The following RSPH14 variants were observed in gnomAD, a reference collection of about 807,000 sequenced individuals.
RSPH14 encodes rhabdoid tumor deletion region gene 1.
In RSPH14, 20 loss-of-function variants were observed where a neutral mutation model predicts 26.7. The observed-to-expected ratio is 0.75, with a 90% CI of 0.53 to 1.09. RSPH14 has a LOEUF of 1.09. Among genes scored for constraint, RSPH14 ranks in the 50% least tolerant of loss-of-function variants. RSPH14 has a pLI of 0.00. For missense variants in RSPH14, 449 were observed against 457.2 expected (o/e 0.98, Z 0.16); for synonymous variants, 177 against 189.3 (o/e 0.93, Z 0.53).
rs756308208 is a variant in RSPH14 at position 23,059,593 on chromosome 22, G to A, written c.916C>T (p.Arg306Cys). ...GGCACGTGCGTCTGCAGGGCCTTGC[G>A]GCCCTCGGGGGCCTCTGCCAGCATG... ...LTMLAEAPEGRKALQTHVPTF... is the reference protein window; with the variant it reads ...LTMLAEAPEGCKALQTHVPTF... Residue 306 changes from arginine to cysteine, a missense_variant, in exon 7 of 7, where the codon CGC (arginine) becomes TGC (cysteine). Transcript: ENST00000216036. 5.5e-5 allele frequency: 88 copies of A among 1,613,648 alleles called. No individual in the cohort carries two copies. Among genetic ancestry groups the A allele is most frequent in the South Asian group, 8.8e-5 (8 of 91,082 alleles).
chr22:23,167,097 C>G, the RSPH14 span, among the ~76,000 whole-genome samples: 1 of 152,116 alleles, frequency 6.6e-6, no homozygotes, highest in East Asian at 1.9e-4. Context: ...CTCTGAACTC[C>G]TGGTCCCTCC....
Position 23,141,942 on chromosome 22 carries a change from G to T in RSPH14, c.-53+7C>A, listed in dbSNP as rs1879333187. The T allele has an allele frequency of 5.1e-6, 5 of 984,894 alleles. No individual in the cohort carries two copies. The highest frequency in any genetic ancestry group is 6.0e-6 in the Non-Finnish European group (5 of 829,446). 61.0% of individuals were successfully genotyped at this position (984,894 alleles called of 1,614,324 possible). A position where few individuals can be genotyped will look rare whatever the true frequency, so the allele number is the denominator to read the frequency against. The stretch of plus-strand genomic sequence containing the variant: ...CCCGGGCCCCTAGCCCACCACCGCC[G>T]CCTCACCTGCCTCCGCAGCCCTTTC... On this transcript the variant is annotated splice_region_variant and intron_variant, in intron 1 of 6. Transcript: ENST00000216036.
chr22:23,077,170 C>G lies in RSPH14; in HGVS notation c.422-13037G>C, dbSNP rs116238584. 4.7e-3 allele frequency among the ~76,000 whole-genome samples: 711 copies of G among 152,272 alleles called. 4 individuals carry two copies. The highest frequency in any genetic ancestry group is 0.016 in the African/African-American group (646 of 41,530). On this transcript the variant is annotated intron_variant, in intron 4 of 6. Transcript: ENST00000216036. ...ACTGGTGAACCTCACCACTGTACCCCCTCCTATCTAGCAGCTTTAACCCAC... is the reference window on the plus strand; with the variant it reads ...ACTGGTGAACCTCACCACTGTACCCGCTCCTATCTAGCAGCTTTAACCCAC...
chr22:23,154,599 C>G, the RSPH14 span, among the ~76,000 whole-genome samples: 14 of 152,158 alleles, frequency 9.2e-5, no homozygotes, highest in East Asian at 1.9e-4. Flanking sequence ...TGGGCTCACC[C>G]GTGTGACCAC....
At chr22:23,101,264 C>T (rs2146332302) in intron 4 of RSPH14, among the ~76,000 whole-genome samples, 1 of 152,278 alleles carries the variant, frequency 6.6e-6, no homozygotes, top group African/African-American at 2.4e-5. Flanking sequence ...GACTCTGGCT[C>T]TCAGGGAGGG....
In RSPH14 at chr22:23,123,690, G is replaced by T. The variant is rs2070095729; in HGVS notation, c.421+10336C>A. 8.0e-6 allele frequency: 4 copies of T among 501,082 alleles called. No individual in the cohort carries two copies. The Admixed American group carries it at 1.0e-4, about 13-fold the overall frequency. 31.0% of individuals were successfully genotyped at this position (501,082 alleles called of 1,614,324 possible). On this transcript the variant is annotated intron_variant, in intron 4 of 6. Coordinates refer to ENST00000216036, the MANE Select transcript of RSPH14 (RefSeq NM_014433.3). ...ATCCTCTAAAATGTCGAGGTCTCTTGAAGACTTGAGAAGCTGTCACAAGGT... is the reference window on the plus strand; with the variant it reads ...ATCCTCTAAAATGTCGAGGTCTCTTTAAGACTTGAGAAGCTGTCACAAGGT...
At chr22:23,173,423 T>C in the RSPH14 span, among the ~76,000 whole-genome samples, 1 of 151,900 alleles carries the variant, frequency 6.6e-6, no homozygotes, top group African/African-American at 2.4e-5. Context: ...CATCAGCCAC[T>C]GTGCCTGGCC....
chr22:23,158,803 C>A, the RSPH14 span: 1 of 1,086,484 alleles, frequency 9.2e-7, no homozygotes, highest in Non-Finnish European at 1.4e-6. Context: ...CCCAGCCCAG[C>A]ACTTCAGCCC....
intron 4 of RSPH14, among the ~76,000 whole-genome samples, chr22:23,118,489 G>A (rs538326866): frequency 5.6e-5 from 7 of 125,916 alleles, no homozygotes; most frequent in East Asian, 2.5e-4. Flanking sequence ...CCCACCCCCC[G>A]CGGCTGCCTT....
At chr22:23,089,336 T>C (rs1017324623) in intron 4 of RSPH14, among the ~76,000 whole-genome samples, 6 of 152,126 alleles carry the variant, frequency 3.9e-5, no homozygotes, top group Non-Finnish European at 7.4e-5. Flanking sequence ...GAGCAAAGCT[T>C]TGGGGACAGC....
At chr22:23,156,203 AGGCACT>A in the RSPH14 span, 269 of 591,618 alleles carry the variant, frequency 4.5e-4, 2 homozygotes, top group African/African-American at 2.8e-3. Context: ...CTTCATCCCC[AGGCACT>A]GGCTGACTTT....
rs542761639 is a variant in RSPH14 at position 23,073,696 on chromosome 22, C to T, written c.422-9563G>A. 9.2e-5 allele frequency among the ~76,000 whole-genome samples: 14 copies of T among 152,348 alleles called. No individual in the cohort carries two copies. In the Middle Eastern group the frequency reaches 0.017, roughly 185 times the overall value. ...TAGAGCACATAGGAGGAGACATCAG[C>T]CCTCTGGACTGAGCCGGAGGAGCAG... On this transcript the variant is annotated intron_variant, in intron 4 of 6. Transcript: ENST00000216036.
At chr22:23,175,136 CA>C in the RSPH14 span, among the ~76,000 whole-genome samples, 7 of 151,352 alleles carry the variant, frequency 4.6e-5, no homozygotes, top group African/African-American at 7.3e-5. Flanking sequence ...GCTGGGACTA[CA>C]GACGCCCACC....
the RSPH14 span, among the ~76,000 whole-genome samples, chr22:23,176,613 C>T: frequency 1.3e-5 from 2 of 152,168 alleles, no homozygotes; most frequent in Non-Finnish European, 2.9e-5. Flanking sequence ...ACCCCAACAT[C>T]CCTCATTCCC....
chr22:23,157,551 G>A, the RSPH14 span, among the ~76,000 whole-genome samples: 60 of 152,292 alleles, frequency 3.9e-4, no homozygotes, highest in African/African-American at 1.4e-3. Flanking sequence ...GAGCCACAGC[G>A]CCTGGCGACT....
At chr22:23,128,956 G>A (rs1469170167) in intron 4 of RSPH14, among the ~76,000 whole-genome samples, 1 of 152,128 alleles carries the variant, frequency 6.6e-6, no homozygotes. Context: ...CCATACCAAT[G>A]GCCACCAGCA....
the RSPH14 span, among the ~76,000 whole-genome samples, chr22:23,153,973 G>A: frequency 1.3e-5 from 2 of 152,062 alleles, no homozygotes; most frequent in Non-Finnish European, 2.9e-5. Flanking sequence ...ACAGGTGTGA[G>A]CCACCGTACC....
upstream of RSPH14, chr22:23,145,374 C>T (rs150719251): frequency 1.8e-4 from 290 of 1,606,882 alleles, 1 homozygote; most frequent in South Asian, 5.7e-4. Flanking sequence ...CTATGGTGAT[C>T]GCCGGTGCAA....
chr22:23,088,122 C>T (rs185486445), intron 4 of RSPH14, among the ~76,000 whole-genome samples: 1 of 152,238 alleles, frequency 6.6e-6, no homozygotes, highest in Admixed American at 6.5e-5. Flanking sequence ...AGTTAAATCT[C>T]TTTCACTGTC....
Sources: gnomAD v4.1 joint callset for allele counts (sites outside exome capture counted in the v4.1 genomes callset) on GRCh38, gnomAD v4.1.1 for gene constraint, MANE v1.5 for transcripts, NCBI Gene and HGNC (gene_info 2026-07-23, HGNC 2026-07-21) for gene names.